DENND5A: variants seen among roughly 807,000 people sequenced by gnomAD.
DENND5A encodes DENN domain containing 5A, also known as DENN domain-containing protein 5A.
DENND5A carries 64 observed loss-of-function variants against 140.3 expected under a neutral mutation model. The observed-to-expected ratio is 0.46, with a 90% confidence interval of 0.37 to 0.56. DENND5A has a LOEUF of 0.56. Ranked by LOEUF, DENND5A falls within the 20% of genes least tolerant of loss-of-function variation. The pLI is 0.00. For missense variants in DENND5A, 1,292 were observed against 1,593.8 expected (o/e 0.81, Z 3.22); for synonymous variants, 605 against 607.7 (o/e 1.00, Z 0.07).
At chr11:9,195,101 T>TG (rs1849277946) in intron 4 of DENND5A, among the ~76,000 whole-genome samples, 1 of 135,534 alleles carries the variant, frequency 7.4e-6, no homozygotes, top group Non-Finnish European at 1.6e-5. Context: ...TTTTTTTTTT[T>TG]GACGGAGTTT....
chr11:9,207,098 A>C (rs1460265621), intron 2 of DENND5A: 1 of 448,368 alleles, frequency 2.2e-6, no homozygotes, highest in Non-Finnish European at 4.0e-6. Context: ...GATTGTATCT[A>C]TCTTTTTTTT....
intron 12 of DENND5A, among the ~76,000 whole-genome samples, chr11:9,158,732 T>C (rs1267990136): frequency 6.6e-6 from 1 of 152,144 alleles, no homozygotes; most frequent in Non-Finnish European, 1.5e-5. Context: ...TACTATCATC[T>C]AAAAATTAGT....
At chr11:9,254,949 T>C (rs1030470252) in intron 1 of DENND5A, among the ~76,000 whole-genome samples, 1 of 151,912 alleles carries the variant, frequency 6.6e-6, no homozygotes, top group African/African-American at 2.4e-5. Context: ...CAGATGCATG[T>C]AATCCCAGCT....
chr11:9,183,417 T>C (rs917791521), intron 5 of DENND5A, among the ~76,000 whole-genome samples: 5 of 152,004 alleles, frequency 3.3e-5, no homozygotes, highest in Admixed American at 2.0e-4. Flanking sequence ...TACATATTTT[T>C]AAATTTCATA....
rs1488736924 is a variant in DENND5A, at chr11:9,147,017, C to G, written c.2857+13G>C. 1.9e-6 allele frequency: 3 copies of G among 1,614,084 alleles called. No homozygotes were observed. The highest frequency in any genetic ancestry group is 2.5e-6 in the Non-Finnish European group (3 of 1,179,950). On this transcript the variant is annotated intron_variant, in intron 16 of 22. Transcript: ENST00000328194. The stretch of plus-strand genomic sequence containing the variant: ...GCCTTGAGAAGGCCAGCTGGGAGCA[C>G]AGGGCTACTCACGGATAGTTGTGAA...
At chr11:9,219,257 C>T (rs1007458147) in intron 1 of DENND5A, among the ~76,000 whole-genome samples, 1 of 152,004 alleles carries the variant, frequency 6.6e-6, no homozygotes, top group African/African-American at 2.4e-5. Context: ...CACCAAGACA[C>T]GTCATGATGT....
At chr11:9,140,790 C>T (rs1847211072) in intron 22 of DENND5A, among the ~76,000 whole-genome samples, 1 of 152,166 alleles carries the variant, frequency 6.6e-6, no homozygotes, top group South Asian at 2.1e-4. Flanking sequence ...TTTGGACCCT[C>T]AAAACCTTCT....
chr11:9,193,424 G>A, intron 5 of DENND5A, 70 bp downstream of exon 5: 1 of 1,261,642 alleles, frequency 7.9e-7, no homozygotes, highest in Non-Finnish European at 1.1e-6. Flanking sequence ...ATGCATGCTG[G>A]GTTCATCCCA....
intron 1 of DENND5A, among the ~76,000 whole-genome samples, chr11:9,244,671 TTTTA>T (rs773765693): frequency 1.3e-5 from 2 of 151,480 alleles, no homozygotes; most frequent in South Asian, 4.2e-4. Context: ...GCTCAGCCTA[TTTTA>T]TTTATTTATT....
At chr11:9,194,863 G>A (rs1044260217) in intron 4 of DENND5A, among the ~76,000 whole-genome samples, 2 of 151,022 alleles carry the variant, frequency 1.3e-5, no homozygotes, top group African/African-American at 2.4e-5. Context: ...GGGATTACAG[G>A]TGCCCACCAC....
chr11:9,164,302 C>T (rs1848113558), intron 11 of DENND5A, among the ~76,000 whole-genome samples: 1 of 143,958 alleles, frequency 6.9e-6, no homozygotes, highest in African/African-American at 2.6e-5. Context: ...ATTCACCCAC[C>T]TCAATCTCCC....
chr11:9,146,985 A>G, intron 16 of DENND5A, 45 bp downstream of exon 16: 1 of 1,607,968 alleles, frequency 6.2e-7, no homozygotes, highest in South Asian at 1.1e-5. Context: ...GCAGGTTCAT[A>G]AAGACTGCCT....
chr11:9,183,697 C>T (rs998877008), intron 5 of DENND5A, among the ~76,000 whole-genome samples: 2 of 152,118 alleles, frequency 1.3e-5, no homozygotes, highest in Non-Finnish European at 1.5e-5. Context: ...GTGTGAGCCA[C>T]CACACCCAGC....
intron 11 of DENND5A, among the ~76,000 whole-genome samples, chr11:9,161,848 A>C (rs1469074172): frequency 6.6e-6 from 1 of 151,964 alleles, no homozygotes; most frequent in Non-Finnish European, 1.5e-5. Context: ...AAAACAATAT[A>C]GTATATTTAT....
At chr11:9,192,622 C>T (rs1325608735) in intron 5 of DENND5A, among the ~76,000 whole-genome samples, 4 of 143,404 alleles carry the variant, frequency 2.8e-5, no homozygotes, top group Middle Eastern at 3.6e-3. Flanking sequence ...TGCGAGACTT[C>T]GTCTCAAAAA....
At chr11:9,225,649 C>A (rs1245799210) in intron 1 of DENND5A, among the ~76,000 whole-genome samples, 1 of 152,136 alleles carries the variant, frequency 6.6e-6, no homozygotes, top group African/African-American at 2.4e-5. Flanking sequence ...TATAATCTGG[C>A]TACTCGGGTG....
intron 12 of DENND5A, among the ~76,000 whole-genome samples, chr11:9,159,048 T>C (rs1847896063): frequency 6.6e-6 from 1 of 152,208 alleles, no homozygotes; most frequent in Non-Finnish European, 1.5e-5. Context: ...CTTAATCTAC[T>C]TTCTGTCTGT....
chr11:9,169,741 TG>T, intron 10 of DENND5A, 114 bp downstream of exon 10: 1 of 675,714 alleles, frequency 1.5e-6, no homozygotes, highest in Non-Finnish European at 2.7e-6. Context: ...CCCTTCTTTA[TG>T]GGGTGAGGTC....
chr11:9,208,301 C>T (rs1253306884), intron 1 of DENND5A, among the ~76,000 whole-genome samples: 1 of 152,208 alleles, frequency 6.6e-6, no homozygotes, highest in Non-Finnish European at 1.5e-5. Context: ...CGTGGCCTAA[C>T]CATTCAGAGT....
Sources: allele counts gnomAD v4.1 joint callset (sites outside exome capture counted in the v4.1 genomes callset), GRCh38; gene constraint gnomAD v4.1.1; transcripts MANE v1.5; gene names NCBI Gene and HGNC (gene_info 2026-07-23, HGNC 2026-07-21).